The following MAGI1 variants were observed in gnomAD, a reference collection of about 807,000 sequenced individuals.
MAGI1 encodes the protein membrane associated guanylate kinase, WW and PDZ domain containing 1.
A neutral mutation model predicts 139.9 loss-of-function variants in MAGI1; 58 were observed. That is an observed-to-expected ratio of 0.41 (90% CI 0.34 to 0.52). MAGI1 has a LOEUF of 0.52. Ranked by LOEUF, MAGI1 falls within the 20% of genes least tolerant of loss-of-function variation. The pLI is 0.12. For synonymous variants in MAGI1, 812 were observed against 737.9 expected (o/e 1.10, Z -1.63); for missense variants, 1,874 against 1,901.6 (o/e 0.99, Z 0.27).
chr3:65,988,412 T>C (rs1475667409), intron 1 of MAGI1, among the ~76,000 whole-genome samples: 1 of 151,916 alleles, frequency 6.6e-6, no homozygotes, highest in Non-Finnish European at 1.5e-5. Flanking sequence ...AGGGTGGAGG[T>C]CTCTCCTCAG....
At chr3:65,440,883 ATATAT>A in intron 8 of MAGI1, among the ~76,000 whole-genome samples, 1 of 146,932 alleles carries the variant, frequency 6.8e-6, no homozygotes, top group African/African-American at 2.6e-5. Context: ...ATATATGTAC[ATATAT>A]ATGGTACATA....
intron 1 of MAGI1, among the ~76,000 whole-genome samples, chr3:65,734,595 GAGA>G (rs2034552004): frequency 6.6e-6 from 1 of 151,636 alleles, no homozygotes; most frequent in Non-Finnish European, 1.5e-5. Context: ...GAGGGAGAGA[GAGA>G]AACTGTCTTG....
intron 1 of MAGI1, among the ~76,000 whole-genome samples, chr3:65,853,377 G>T (rs2059272010): frequency 6.6e-6 from 1 of 152,168 alleles, no homozygotes; most frequent in African/African-American, 2.4e-5. Context: ...TGCATTGATA[G>T]GTAAATTCCT....
At chr3:65,633,407 A>G (rs1269046776) in intron 1 of MAGI1, among the ~76,000 whole-genome samples, 2 of 152,206 alleles carry the variant, frequency 1.3e-5, no homozygotes, top group Non-Finnish European at 2.9e-5. Flanking sequence ...TGTGAGAGAG[A>G]GGCTGCGAGA....
intron 2 of MAGI1, among the ~76,000 whole-genome samples, chr3:65,556,416 T>C (rs937065698): frequency 4.6e-5 from 7 of 152,218 alleles, no homozygotes; most frequent in African/African-American, 1.7e-4. Context: ...ACTCACTACA[T>C]ATAGTGATGT....
At chr3:65,558,215 T>C (rs1490813487) in intron 2 of MAGI1, among the ~76,000 whole-genome samples, 2 of 151,992 alleles carry the variant, frequency 1.3e-5, no homozygotes, top group Non-Finnish European at 2.9e-5. Context: ...AGTGCCCCCA[T>C]CTGTTTCTAA....
rs143358407 is a variant in MAGI1, at chr3:66,038,624, AT to A, written c.-317del. On this transcript the variant is annotated 5_prime_UTR_variant, in exon 1 of 23. Transcript: ENST00000402939. ...GAGTCCACTCTGCGCCGCTCGGGTTATTTTTTTTTCCTTCCTTCCTTTCTCT... is the reference window on the plus strand; with the variant it reads ...GAGTCCACTCTGCGCCGCTCGGGTTATTTTTTTTCCTTCCTTCCTTTCTCT... 3.2e-4 allele frequency: 100 copies of A among 315,938 alleles called. No individual in the cohort carries two copies. The highest frequency in any genetic ancestry group is 8.7e-4 in the Middle Eastern group (1 of 1,146). 19.6% of individuals were successfully genotyped at this position (315,938 alleles called of 1,614,324 possible).
intron 1 of MAGI1, among the ~76,000 whole-genome samples, chr3:65,994,824 G>A (rs1560092672): frequency 6.6e-6 from 1 of 152,240 alleles, no homozygotes; most frequent in East Asian, 1.9e-4. Context: ...ACATGAAGTG[G>A]GTTTCACTGA....
intron 1 of MAGI1, among the ~76,000 whole-genome samples, chr3:65,854,084 G>A (rs1173886140): frequency 6.6e-6 from 1 of 151,832 alleles, no homozygotes; most frequent in African/African-American, 2.4e-5. Context: ...CTCCAGCCTG[G>A]GCAACAGAGC....
intron 2 of MAGI1, among the ~76,000 whole-genome samples, chr3:65,594,942 C>T (rs1046024951): frequency 9.9e-5 from 15 of 152,126 alleles, no homozygotes; most frequent in Admixed American, 9.2e-4. Flanking sequence ...ATGCATGGGT[C>T]TGTGTATTTA....
chr3:65,719,862 CT>C (rs1559817896), intron 1 of MAGI1: 1 of 152,158 alleles, frequency 6.6e-6, no homozygotes, highest in Admixed American at 6.5e-5. Context: ...ACTCAACTTC[CT>C]ATCTTGCACA....
At chr3:65,808,099 C>T (rs1330185790) in intron 1 of MAGI1, among the ~76,000 whole-genome samples, 4 of 151,910 alleles carry the variant, frequency 2.6e-5, no homozygotes, top group African/African-American at 9.7e-5. Context: ...AATTCTCCAG[C>T]CTCCGCCTCC....
intron 13 of MAGI1, among the ~76,000 whole-genome samples, chr3:65,401,064 G>C (rs1944849243): frequency 6.6e-6 from 1 of 152,088 alleles, no homozygotes; most frequent in Admixed American, 6.5e-5. Flanking sequence ...GCTACTCACG[G>C]AGCAGGTGGA....
chr3:65,356,698 G>GT lies in MAGI1; in HGVS notation c.4068_4069insA (p.Arg1357ThrfsTer101). ...CCGTCTCTCCTGCGGGTGGGTGACC[G>GT]CTCTCGCCTCCGCTCCGGAGAGACG... On this transcript the variant is annotated frameshift_variant, in exon 23 of 23. Coordinates refer to ENST00000402939, the MANE Select transcript of MAGI1 (RefSeq NM_001033057.2). LOFTEE classifies it low-confidence loss of function (END_TRUNC). 1 of 1,593,090 alleles carries GT rather than the reference G, an allele frequency of 6.3e-7. No homozygotes were observed. The highest frequency in any genetic ancestry group is 1.1e-5 in the South Asian group (1 of 87,316).
intron 1 of MAGI1, among the ~76,000 whole-genome samples, chr3:65,694,698 T>TA (rs2088992272): frequency 6.6e-6 from 1 of 152,216 alleles, no homozygotes; most frequent in Admixed American, 6.5e-5. Context: ...TATTTCCACC[T>TA]AACTTGTACT....
At chr3:65,825,949 C>A (rs992661316) in intron 1 of MAGI1, among the ~76,000 whole-genome samples, 1 of 152,052 alleles carries the variant, frequency 6.6e-6, no homozygotes, top group East Asian at 1.9e-4. Flanking sequence ...GATCGTGCCA[C>A]GCACTCCAGC....
chr3:65,679,204 C>T (rs2087404263), intron 1 of MAGI1, among the ~76,000 whole-genome samples: 1 of 152,196 alleles, frequency 6.6e-6, no homozygotes, highest in Non-Finnish European at 1.5e-5. Context: ...AACTGTCACA[C>T]ATACGCTTCA....
At chr3:65,972,194 A>C (rs551114985) in intron 1 of MAGI1, among the ~76,000 whole-genome samples, 2 of 152,366 alleles carry the variant, frequency 1.3e-5, no homozygotes, top group East Asian at 3.9e-4. Context: ...AGAAGTCCAC[A>C]CACACTAGCA....
chr3:65,451,466 T>C (rs1949028924), intron 6 of MAGI1, among the ~76,000 whole-genome samples: 1 of 152,192 alleles, frequency 6.6e-6, no homozygotes, highest in Admixed American at 6.5e-5. Flanking sequence ...TTATCCAAAA[T>C]GGTTAGAATC....
Sources: allele counts gnomAD v4.1 joint callset (sites outside exome capture counted in the v4.1 genomes callset), GRCh38; gene constraint gnomAD v4.1.1; transcripts MANE v1.5; gene names NCBI Gene and HGNC (gene_info 2026-07-23, HGNC 2026-07-21).